The following IQCJ variants were observed in gnomAD, a reference collection of about 807,000 sequenced individuals.
IQCJ encodes IQ motif containing J.
Under a neutral mutation model 11.0 loss-of-function variants are expected in IQCJ, and 9 were observed. The ratio of observed to expected loss-of-function variants is 0.82; its 90% CI spans 0.49 to 1.43. The LOEUF (loss-of-function observed/expected upper bound fraction) is 1.43. Among genes scored for constraint, IQCJ ranks in the 40% most tolerant of loss-of-function variants. The probability of loss-of-function intolerance (pLI) is 0.00; values close to 1 mark genes in which losing one functional copy is unlikely to be tolerated. For missense variants in IQCJ, 146 were observed against 133.2 expected (o/e 1.10, Z -0.47); for synonymous variants, 55 against 51.3 (o/e 1.07, Z -0.31).
chr3:159,144,092 T>C (rs1024756954), intron 1 of IQCJ, among the ~76,000 whole-genome samples: 31 of 152,222 alleles, frequency 2.0e-4, no homozygotes, highest in African/African-American at 7.5e-4. Flanking sequence ...GACCTGTTTG[T>C]TAATTCTGTT....
At chr3:159,243,406 T>C (rs1484546126) in intron 1 of IQCJ, among the ~76,000 whole-genome samples, 1 of 152,206 alleles carries the variant, frequency 6.6e-6, no homozygotes, top group Non-Finnish European at 1.5e-5. Flanking sequence ...GATTGTTGTG[T>C]ATGTGTACAA....
At chr3:159,180,455 A>G (rs1723031143) in intron 1 of IQCJ, among the ~76,000 whole-genome samples, 1 of 150,452 alleles carries the variant, frequency 6.6e-6, no homozygotes, top group Admixed American at 6.6e-5. Context: ...GATATCTGCC[A>G]TTTAAAAATG....
intron 1 of IQCJ, among the ~76,000 whole-genome samples, chr3:159,150,564 C>T (rs1166884910): frequency 2.0e-5 from 3 of 149,650 alleles, no homozygotes; most frequent in Admixed American, 6.7e-5. Flanking sequence ...GCACCAATAG[C>T]ATATGTTGCA....
chr3:159,256,262 C>T (rs1181859129), intron 3 of IQCJ, among the ~76,000 whole-genome samples: 1 of 152,094 alleles, frequency 6.6e-6, no homozygotes, highest in African/African-American at 2.4e-5. Context: ...AAAGTCAGCT[C>T]AATAAATATG....
At position 159,167,939 on chromosome 3, in the gene IQCJ, A is replaced by G. The variant is rs530015018; in HGVS notation, c.10-77904A>G. Among the ~76,000 whole-genome samples the G allele has an allele frequency of 2.0e-5, 3 of 152,318 alleles. No homozygotes were observed. In the East Asian group the frequency reaches 5.8e-4, roughly 29 times the overall value. On this transcript the variant is annotated intron_variant, in intron 1 of 3. Coordinates refer to ENST00000397832, the MANE Select transcript of IQCJ (RefSeq NM_001042706.3). ...ATTCTTTGTCACTTCTTTTCAGAGAAGTTTTGCACCACCTAGATGGGCCCG... is the reference window on the plus strand; with the variant it reads ...ATTCTTTGTCACTTCTTTTCAGAGAGGTTTTGCACCACCTAGATGGGCCCG...
At chr3:159,228,429 A>G (rs1206527900) in intron 1 of IQCJ, among the ~76,000 whole-genome samples, 2 of 152,218 alleles carry the variant, frequency 1.3e-5, no homozygotes, top group Non-Finnish European at 2.9e-5. Flanking sequence ...GTAATGGTGC[A>G]CTAATGGGGC....
At chr3:159,154,995 C>T (rs74382944) in intron 1 of IQCJ, among the ~76,000 whole-genome samples, 2,613 of 152,152 alleles carry the variant, frequency 0.017, 54 homozygotes, top group African/African-American at 0.06. Context: ...CTCCATCCTT[C>T]GCCATCCCCA....
intron 1 of IQCJ, among the ~76,000 whole-genome samples, chr3:159,163,544 T>C (rs1375207480): frequency 1.3e-5 from 2 of 152,170 alleles, no homozygotes; most frequent in African/African-American, 4.8e-5. Flanking sequence ...TTTGTATTTT[T>C]AGTAGAGATG....
intron 1 of IQCJ, among the ~76,000 whole-genome samples, chr3:159,178,015 G>A (rs1055497725): frequency 2.6e-5 from 4 of 152,146 alleles, no homozygotes; most frequent in African/African-American, 9.7e-5. Flanking sequence ...ACATATGCAG[G>A]CATATGATGA....
intron 1 of IQCJ, 101 bp downstream of exon 1, chr3:159,069,542 A>G: frequency 6.7e-7 from 1 of 1,488,610 alleles, no homozygotes; most frequent in Non-Finnish European, 9.0e-7. Context: ...ATGTATGCAA[A>G]AAATGTCAAA....
chr3:159,218,713 G>A (rs1330034773), intron 1 of IQCJ, among the ~76,000 whole-genome samples: 1 of 152,046 alleles, frequency 6.6e-6, no homozygotes, highest in Non-Finnish European at 1.5e-5. Context: ...TTCATTTGGG[G>A]GCTGTTTGGA....
At chr3:159,249,647 G>C (rs1727477400) in intron 2 of IQCJ, among the ~76,000 whole-genome samples, 1 of 152,208 alleles carries the variant, frequency 6.6e-6, no homozygotes. Flanking sequence ...GGTGTACTTT[G>C]AGTGAGCAGA....
At chr3:159,203,768 C>T (rs1724490098) in intron 1 of IQCJ, among the ~76,000 whole-genome samples, 1 of 152,036 alleles carries the variant, frequency 6.6e-6, no homozygotes. Flanking sequence ...CCAAAACGAG[C>T]ACCACTTTCC....
At chr3:159,074,170 G>A (rs1318433224) in intron 1 of IQCJ, among the ~76,000 whole-genome samples, 4 of 152,082 alleles carry the variant, frequency 2.6e-5, no homozygotes, top group Non-Finnish European at 5.9e-5. Context: ...AAATAGGCTT[G>A]CGTGAAGGTG....
chr3:159,164,038 T>C (rs1036229798), intron 1 of IQCJ, among the ~76,000 whole-genome samples: 8 of 152,182 alleles, frequency 5.3e-5, no homozygotes, highest in Admixed American at 6.5e-5. Flanking sequence ...CAAAGTAGTT[T>C]AGAAAAAAAA....
intron 1 of IQCJ, among the ~76,000 whole-genome samples, chr3:159,153,637 G>A (rs1160675704): frequency 6.6e-6 from 1 of 152,146 alleles, no homozygotes; most frequent in Admixed American, 6.5e-5. Flanking sequence ...AATGTGAAAG[G>A]CCAACTGCTG....
At chr3:159,195,453 C>T (rs1723929279) in intron 1 of IQCJ, among the ~76,000 whole-genome samples, 1 of 152,158 alleles carries the variant, frequency 6.6e-6, no homozygotes, top group African/African-American at 2.4e-5. Context: ...GGAGTGGTAG[C>T]CTTTAACAGG....
chr3:159,123,941 CA>C (rs1262973110), intron 1 of IQCJ, among the ~76,000 whole-genome samples: 1 of 152,132 alleles, frequency 6.6e-6, no homozygotes. Flanking sequence ...GTATAAAGTC[CA>C]AACTCTCAGT....
At chr3:159,162,110 A>G (rs1013941292) in intron 1 of IQCJ, among the ~76,000 whole-genome samples, 3 of 152,118 alleles carry the variant, frequency 2.0e-5, no homozygotes, top group Non-Finnish European at 1.5e-5. Context: ...GAATCTGTAA[A>G]TTACCTTGGG....
Sources: allele counts gnomAD v4.1 joint callset (sites outside exome capture counted in the v4.1 genomes callset), GRCh38; gene constraint gnomAD v4.1.1; transcripts MANE v1.5; gene names NCBI Gene and HGNC (gene_info 2026-07-23, HGNC 2026-07-21).